The following HOOK3 variants were observed in gnomAD, a reference collection of about 807,000 sequenced individuals.
HOOK3 encodes protein Hook homolog 3.
A neutral mutation model predicts 116.3 loss-of-function variants in HOOK3; 24 were observed. That is an observed-to-expected ratio of 0.21 (90% CI 0.15 to 0.29). HOOK3 has a LOEUF of 0.29. Ranked by LOEUF, HOOK3 falls within the 10% of genes least tolerant of loss-of-function variation. The pLI, the probability that HOOK3 is intolerant of heterozygous loss-of-function variation, is 1.00. For synonymous variants in HOOK3, 275 were observed against 283.0 expected (o/e 0.97, Z 0.28); for missense variants, 632 against 830.2 (o/e 0.76, Z 2.93).
At chr8:42,972,752 T>C (rs1202087845) in intron 11 of HOOK3, among the ~76,000 whole-genome samples, 2 of 152,230 alleles carry the variant, frequency 1.3e-5, no homozygotes, top group Non-Finnish European at 2.9e-5. Context: ...TTCCAGCTGA[T>C]GAAATTTTTT....
chr8:42,995,974 T>TA (rs1187475565), intron 15 of HOOK3, among the ~76,000 whole-genome samples: 2 of 152,230 alleles, frequency 1.3e-5, no homozygotes, highest in Non-Finnish European at 2.9e-5. Context: ...TCTGACATAC[T>TA]ACCTGTGTGG....
At chr8:42,945,689 T>A (rs1808213542) in intron 5 of HOOK3, among the ~76,000 whole-genome samples, 1 of 152,228 alleles carries the variant, frequency 6.6e-6, no homozygotes, top group African/African-American at 2.4e-5. Flanking sequence ...CGCAGTTTTT[T>A]AAATGTCATT....
chr8:42,966,690 A>G, intron 10 of HOOK3, 77 bp downstream of exon 10: 1 of 1,502,190 alleles, frequency 6.7e-7, no homozygotes, highest in Non-Finnish European at 9.1e-7. Context: ...GGATCTAGCA[A>G]ACTTAAGAGC....
chr8:43,002,065 T>C, intron 16 of HOOK3, 42 bp from the exon 17 acceptor site: 3 of 1,278,398 alleles, frequency 2.3e-6, no homozygotes, highest in Non-Finnish European at 3.4e-6. Flanking sequence ...CTATTTTAGT[T>C]AAAATGTGAG....
At chr8:42,934,760 A>G (rs1586598119) in intron 4 of HOOK3, among the ~76,000 whole-genome samples, 1 of 152,160 alleles carries the variant, frequency 6.6e-6, no homozygotes, top group Admixed American at 6.5e-5. Context: ...TCCATGGTGT[A>G]TATGTGCCAC....
intron 2 of HOOK3, among the ~76,000 whole-genome samples, chr8:42,906,483 C>A (rs1016557548): frequency 2.0e-5 from 3 of 152,084 alleles, no homozygotes; most frequent in Non-Finnish European, 2.9e-5. Context: ...CAGAATTATT[C>A]TTGTATTTTT....
rs1255187761 is a variant in HOOK3 at position 42,897,124 on chromosome 8, C to T, written c.-8C>T. 3 of 1,244,834 alleles carry T rather than the reference C, an allele frequency of 2.4e-6. No individual in the cohort carries two copies. The highest frequency in any genetic ancestry group is 1.6e-5 in the African/African-American group (1 of 64,322). The allele number at this position is 1,244,834 out of a possible 1,614,324, so 77.1% of individuals were successfully genotyped here. On this transcript the variant is annotated 5_prime_UTR_variant, in exon 1 of 22. Transcript: ENST00000307602. Reference sequence around the variant, plus strand: ...GGCGGTAGGCGCTGCCTGGCCGCGGCGGGGAAGATGTTCAGCGTAGAGTCG... The same window carrying T: ...GGCGGTAGGCGCTGCCTGGCCGCGGTGGGGAAGATGTTCAGCGTAGAGTCG...
intron 7 of HOOK3, 86 bp from the exon 8 acceptor site, chr8:42,959,145 G>C: frequency 1.2e-6 from 1 of 822,140 alleles, no homozygotes; most frequent in Non-Finnish European, 2.0e-6. Context: ...AGACAGGGGG[G>C]AGATGTTTTA....
At position 42,918,325 on chromosome 8, in the gene HOOK3, G is replaced by A. The variant is rs117295914; in HGVS notation, c.144-7232G>A. ...TGCACTCCAGCCTGGGCAACAAAGC[G>A]AGACATTCTCTCTCTCAAAAAAAAG... On this transcript the variant is annotated intron_variant, in intron 2 of 21. Transcript: ENST00000307602. Among the ~76,000 whole-genome samples, 1,477 of 152,094 alleles carry A rather than the reference G, an allele frequency of 9.7e-3. 9 individuals carry two copies. Among genetic ancestry groups the A allele is most frequent in the Non-Finnish European group, 0.014 (965 of 67,990 alleles).
At chr8:42,933,948 T>G (rs1807918076) in intron 4 of HOOK3, among the ~76,000 whole-genome samples, 2 of 152,214 alleles carry the variant, frequency 1.3e-5, no homozygotes, top group South Asian at 4.1e-4. Context: ...GGAGTTTTTT[T>G]GTTGTTCTTT....
intron 11 of HOOK3, among the ~76,000 whole-genome samples, chr8:42,968,630 A>G (rs373503863): frequency 2.6e-5 from 4 of 152,280 alleles, no homozygotes; most frequent in African/African-American, 4.8e-5. Context: ...GTGAGCCACC[A>G]TGCCTGGCCT....
intron 14 of HOOK3, 62 bp from the exon 15 acceptor site, chr8:42,986,593 T>C (rs900021133): frequency 7.7e-7 from 1 of 1,300,994 alleles, no homozygotes; most frequent in African/African-American, 1.5e-5. Context: ...GATACCTGTG[T>C]TGTATATTAA....
At chr8:42,974,245 C>A (rs376191019) in intron 13 of HOOK3, 51 bp downstream of exon 13, 1 of 1,361,388 alleles carries the variant, frequency 7.3e-7, no homozygotes, top group Non-Finnish European at 1.0e-6. Context: ...TTTTTTGAGA[C>A]GGGAGTTTCA....
chr8:43,023,227 A>G lies in HOOK3; in HGVS notation c.*4729A>G. On this transcript the variant is annotated 3_prime_UTR_variant, in exon 22 of 22. Coordinates refer to ENST00000307602, the MANE Select transcript of HOOK3 (RefSeq NM_032410.4). ...TCTCAAAAAAAAAAAAAAAAAAAAAAAGAAACATCAGCCTGTATATTCCAG... is the reference window on the plus strand; with the variant it reads ...TCTCAAAAAAAAAAAAAAAAAAAAAGAGAAACATCAGCCTGTATATTCCAG... 1 of 164,922 alleles carries G rather than the reference A, an allele frequency of 6.1e-6. No homozygotes were observed. The highest frequency in any genetic ancestry group is 1.3e-5 in the Non-Finnish European group (1 of 75,846). The allele number at this position is 164,922 out of a possible 1,614,324, so 10.2% of individuals were successfully genotyped here.
At chr8:43,002,014 C>A in intron 16 of HOOK3, 93 bp from the exon 17 acceptor site, 1 of 810,842 alleles carries the variant, frequency 1.2e-6, no homozygotes, top group Non-Finnish European at 2.0e-6. Flanking sequence ...AAAGCTCACT[C>A]AAAATTAATG....
At chr8:42,930,337 C>T (rs1038423795) in intron 4 of HOOK3, among the ~76,000 whole-genome samples, 165 bp downstream of exon 4, 1 of 152,154 alleles carries the variant, frequency 6.6e-6, no homozygotes, top group African/African-American at 2.4e-5. Flanking sequence ...ATCTGTCAGT[C>T]AGTTAATAGA....
intron 2 of HOOK3, among the ~76,000 whole-genome samples, chr8:42,923,192 T>C (rs1807694724): frequency 2.0e-5 from 3 of 152,146 alleles, no homozygotes; most frequent in Non-Finnish European, 2.9e-5. Flanking sequence ...GGGCTATAAC[T>C]AAAAAGACAG....
intron 2 of HOOK3, among the ~76,000 whole-genome samples, chr8:42,924,436 AAT>A (rs1254388259): frequency 1.3e-5 from 2 of 151,614 alleles, no homozygotes; most frequent in African/African-American, 4.9e-5. Flanking sequence ...TCCTCGTTTC[AAT>A]ATGTTTGTCC....
chr8:42,966,498 C>T lies in HOOK3; in HGVS notation c.805C>T (p.Arg269Ter), dbSNP rs1808635283. The change falls in exon 10 of 22, where the codon CGA becomes TGA. Residue 269 changes from arginine to a stop codon, truncating the protein, a stop_gained. Transcript: ENST00000307602. LOFTEE classifies it high-confidence loss of function. ...ACTAGAAGCAGCCAAAGATGATTATCGAATACGTTGTGAAGAGTTAGAAAA... is the reference window on the plus strand; with the variant it reads ...ACTAGAAGCAGCCAAAGATGATTATTGAATACGTTGTGAAGAGTTAGAAAA... ...FRLEAAKDDY[R>*]IRCEELEKEI... The T allele has an allele frequency of 2.5e-6, 4 of 1,614,068 alleles. No homozygotes were observed. Among genetic ancestry groups the T allele is most frequent in the Non-Finnish European group, 8.5e-7 (1 of 1,179,976 alleles).
Sources: gnomAD v4.1 joint callset for allele counts (sites outside exome capture counted in the v4.1 genomes callset) on GRCh38, gnomAD v4.1.1 for gene constraint, MANE v1.5 for transcripts, NCBI Gene and HGNC (gene_info 2026-07-23, HGNC 2026-07-21) for gene names.